The following KCNIP4 variants were observed in gnomAD, a reference collection of about 807,000 sequenced individuals.
KCNIP4 encodes the protein Kv channel-interacting protein 4.
Under a neutral mutation model 34.0 loss-of-function variants are expected in KCNIP4, and 12 were observed. That is an observed-to-expected ratio of 0.35 (90% CI 0.23 to 0.57). The LOEUF (loss-of-function observed/expected upper bound fraction) is 0.57, where lower values mean the gene tolerates loss of function less well. Among genes scored for constraint, KCNIP4 ranks in the 20% least tolerant of loss-of-function variants. The pLI, the probability that KCNIP4 is intolerant of heterozygous loss-of-function variation, is 0.83. For synonymous variants in KCNIP4, 124 were observed against 102.2 expected (o/e 1.21, Z -1.29); for missense variants, 238 against 311.7 (o/e 0.76, Z 1.78).
intron 1 of KCNIP4, among the ~76,000 whole-genome samples, chr4:21,619,396 G>A (rs563796346): frequency 2.4e-4 from 36 of 152,156 alleles, no homozygotes; most frequent in Non-Finnish European, 4.4e-4. Flanking sequence ...CTGAGTTAAA[G>A]CAAGAGTAAG....
At chr4:21,079,043 C>T (rs187509864) in intron 1 of KCNIP4, among the ~76,000 whole-genome samples, 1 of 152,204 alleles carries the variant, frequency 6.6e-6, no homozygotes, top group Admixed American at 6.6e-5. Context: ...ATATTAGCCA[C>T]TGCACTTACC....
chr4:21,749,093 T>C lies in KCNIP4; in HGVS notation c.61+199478A>G, dbSNP rs375054744. On this transcript the variant is annotated intron_variant, in intron 1 of 8. Transcript: ENST00000382152. ...CTTGATTGTGAATCCCCTTATTCAA[T>C]AAAAATATAATGTGGCAAATTGTTT... Among the ~76,000 whole-genome samples the C allele has an allele frequency of 5.3e-5, 8 of 152,230 alleles. No individual in the cohort carries two copies. The South Asian group carries it at 8.3e-4, about 16-fold the overall frequency.
At chr4:21,056,096 A>G (rs1381676778) in intron 1 of KCNIP4, among the ~76,000 whole-genome samples, 1 of 152,152 alleles carries the variant, frequency 6.6e-6, no homozygotes, top group East Asian at 1.9e-4. Context: ...CTGTGAATCT[A>G]AAACTGCCCT....
intron 1 of KCNIP4, chr4:21,718,425 T>A (rs1048005994): frequency 3.3e-5 from 5 of 152,216 alleles, no homozygotes; most frequent in Non-Finnish European, 7.3e-5. Flanking sequence ...AATTATGTAT[T>A]CAACCAAAAT....
At chr4:21,427,768 G>A (rs903528566) in intron 1 of KCNIP4, among the ~76,000 whole-genome samples, 3 of 152,176 alleles carry the variant, frequency 2.0e-5, no homozygotes, top group Admixed American at 6.5e-5. Flanking sequence ...TAGGGCAGAA[G>A]CAGGAAATGA....
intron 1 of KCNIP4, among the ~76,000 whole-genome samples, chr4:21,767,517 A>G (rs949302605): frequency 6.6e-6 from 1 of 152,056 alleles, no homozygotes; most frequent in African/African-American, 2.4e-5. Context: ...TTTATTGCCA[A>G]TTATGCAATA....
intron 1 of KCNIP4, among the ~76,000 whole-genome samples, chr4:21,815,506 C>T (rs1578024900): frequency 6.6e-6 from 1 of 151,784 alleles, no homozygotes; most frequent in Non-Finnish European, 1.5e-5. Flanking sequence ...GTGATGGAGT[C>T]CTCAGAGTTT....
chr4:21,226,091 A>G (rs1345829677), intron 1 of KCNIP4, among the ~76,000 whole-genome samples: 2 of 151,594 alleles, frequency 1.3e-5, no homozygotes, highest in Admixed American at 6.6e-5. Context: ...TGATTGCCTC[A>G]CTGTAGAGAT....
At chr4:20,948,830 T>C (rs1732470495) in intron 1 of KCNIP4, among the ~76,000 whole-genome samples, 1 of 152,222 alleles carries the variant, frequency 6.6e-6, no homozygotes, top group Admixed American at 6.5e-5. Flanking sequence ...CATATTAATA[T>C]CATGTTATAT....
At chr4:21,684,571 CAT>C (rs1362734255) in intron 1 of KCNIP4, among the ~76,000 whole-genome samples, 1 of 152,002 alleles carries the variant, frequency 6.6e-6, no homozygotes, top group East Asian at 1.9e-4. Context: ...CTAATTTCTA[CAT>C]GTTATTGTAG....
chr4:20,953,470 T>C (rs1201980903), intron 1 of KCNIP4, among the ~76,000 whole-genome samples: 1 of 152,058 alleles, frequency 6.6e-6, no homozygotes, highest in Non-Finnish European at 1.5e-5. Context: ...TCACTTGAGC[T>C]CAGGAGTTTG....
chr4:21,464,392 T>G (rs142493984), intron 1 of KCNIP4, among the ~76,000 whole-genome samples: 256 of 152,154 alleles, frequency 1.7e-3, no homozygotes, highest in Non-Finnish European at 3.1e-3. Context: ...TCGTATGTTT[T>G]ATCTTCATTT....
At chr4:21,066,525 C>T (rs377615231) in intron 1 of KCNIP4, among the ~76,000 whole-genome samples, 2 of 144,698 alleles carry the variant, frequency 1.4e-5, no homozygotes, top group Non-Finnish European at 3.0e-5. Flanking sequence ...TCCCCCGCAT[C>T]CCCCTCATCC....
intron 1 of KCNIP4, among the ~76,000 whole-genome samples, chr4:21,677,191 T>G (rs959299753): frequency 6.6e-5 from 10 of 152,208 alleles, no homozygotes; most frequent in African/African-American, 2.2e-4. Context: ...TAGGGATTAC[T>G]GACAGTCTTC....
intron 3 of KCNIP4, chr4:20,766,745 AT>A (rs1186416383): frequency 6.6e-6 from 1 of 152,136 alleles, no homozygotes; most frequent in Non-Finnish European, 1.5e-5. Flanking sequence ...CTAAGCTTTG[AT>A]ACTGCAAATG....
chr4:21,101,740 A>C (rs916723095), intron 1 of KCNIP4, among the ~76,000 whole-genome samples: 5 of 152,180 alleles, frequency 3.3e-5, no homozygotes, highest in African/African-American at 4.8e-5. Context: ...TATTGCAGTA[A>C]AGCTATTAAA....
chr4:20,829,427 T>C (rs1277841144), intron 3 of KCNIP4, among the ~76,000 whole-genome samples: 2 of 152,090 alleles, frequency 1.3e-5, no homozygotes, highest in African/African-American at 4.8e-5. Flanking sequence ...CAGGATGGTC[T>C]CAATCTTCTG....
chr4:21,356,920 T>C (rs1237067785), intron 1 of KCNIP4, among the ~76,000 whole-genome samples: 1 of 152,092 alleles, frequency 6.6e-6, no homozygotes, highest in Non-Finnish European at 1.5e-5. Flanking sequence ...CAAACTATAC[T>C]ACAAGGCTAT....
intron 1 of KCNIP4, among the ~76,000 whole-genome samples, chr4:21,041,230 T>TCACACACACACA (rs57664737): frequency 9.1e-4 from 132 of 144,754 alleles, no homozygotes; most frequent in African/African-American, 2.0e-3. Context: ...GATATATATT[T>TCACACACACACA]CACACACACA....
Sources: allele counts gnomAD v4.1 joint callset (sites outside exome capture counted in the v4.1 genomes callset), GRCh38; gene constraint gnomAD v4.1.1; transcripts MANE v1.5; gene names NCBI Gene and HGNC (gene_info 2026-07-23, HGNC 2026-07-21).